The following GRM1 variants were observed in gnomAD, a reference collection of about 807,000 sequenced individuals.
GRM1 encodes metabotropic glutamate receptor 1.
In GRM1, 33 loss-of-function variants were observed where a neutral mutation model predicts 90.9. The observed-to-expected ratio is 0.36, with a 90% CI of 0.28 to 0.49. The LOEUF (loss-of-function observed/expected upper bound fraction) is 0.49. GRM1 is among the 20% of genes least tolerant of loss of function. The probability of loss-of-function intolerance (pLI) is 0.99; values close to 1 mark genes in which losing one functional copy is unlikely to be tolerated. For missense variants in GRM1, 1,190 were observed against 1,534.3 expected (o/e 0.78, Z 3.75); for synonymous variants, 700 against 613.2 (o/e 1.14, Z -2.09).
At chr6:146,202,082 C>A (rs1342934850) in intron 2 of GRM1, among the ~76,000 whole-genome samples, 1 of 152,104 alleles carries the variant, frequency 6.6e-6, no homozygotes, top group African/African-American at 2.4e-5. Flanking sequence ...AGAGTGCATC[C>A]CCCAATGAAC....
In GRM1 at chr6:146,029,298, C is replaced by G. The variant is rs1287990227; in HGVS notation, c.-220C>G. The G allele has an allele frequency of 1.7e-6, 1 of 591,778 alleles. No homozygotes were observed. Among genetic ancestry groups the G allele is most frequent in the Non-Finnish European group, 3.0e-6 (1 of 331,992 alleles). The allele number at this position is 591,778 out of a possible 1,614,324, so 36.7% of individuals were successfully genotyped here. ...ACGGGGACTCGAATTCCCTTACAAA[C>G]GCCTCCAGCTTGTAGAGGCGGTCGT... is the stretch of plus-strand genomic sequence containing the variant. On this transcript the variant is annotated 5_prime_UTR_variant, in exon 1 of 8. Coordinates refer to ENST00000282753, the MANE Select transcript of GRM1 (RefSeq NM_001278064.2).
At chr6:146,385,716 A>G (rs187951199) in intron 5 of GRM1, among the ~76,000 whole-genome samples, 2 of 152,182 alleles carry the variant, frequency 1.3e-5, no homozygotes, top group East Asian at 1.9e-4. Flanking sequence ...GACTGTTTAA[A>G]GCAAAAATAA....
intron 1 of GRM1, among the ~76,000 whole-genome samples, chr6:146,031,085 A>G (rs1272717675): frequency 1.3e-5 from 2 of 152,196 alleles, no homozygotes; most frequent in African/African-American, 4.8e-5. Context: ...CCTAAGGTTA[A>G]AAGCTTTGAT....
rs1430298950 is a variant in GRM1, at chr6:146,435,792, T to A, written c.*996T>A. ...ACCTTCAGTTAAAGAACAAACCATG[T>A]GACAAAATTGTTACCTTCCACTTAC... On this transcript the variant is annotated 3_prime_UTR_variant, in exon 8 of 8. Transcript: ENST00000282753. 2 of 152,618 alleles carry A rather than the reference T, an allele frequency of 1.3e-5. No homozygotes were observed. The highest frequency in any genetic ancestry group is 2.9e-5 in the Non-Finnish European group (2 of 68,032). The allele number at this position is 152,618 out of a possible 1,614,324, so 9.5% of individuals were successfully genotyped here.
chr6:146,254,836 A>G (rs971207675), intron 2 of GRM1, among the ~76,000 whole-genome samples: 10 of 152,016 alleles, frequency 6.6e-5, no homozygotes, highest in Admixed American at 2.0e-4. Flanking sequence ...TTCCCCCTTT[A>G]TTTTGCCTCC....
At chr6:146,391,860 G>A (rs73785353) in intron 6 of GRM1, among the ~76,000 whole-genome samples, 3,450 of 152,150 alleles carry the variant, frequency 0.023, 135 homozygotes, top group African/African-American at 0.079. Flanking sequence ...AAGAGATAAA[G>A]CAATCATAGT....
intron 3 of GRM1, among the ~76,000 whole-genome samples, chr6:146,340,965 G>A (rs944081090): frequency 1.3e-5 from 2 of 152,150 alleles, no homozygotes; most frequent in African/African-American, 4.8e-5. Flanking sequence ...AAATAGTAGG[G>A]TCCTCTGAAT....
At chr6:146,234,039 C>T (rs1301419381) in intron 2 of GRM1, among the ~76,000 whole-genome samples, 1 of 151,912 alleles carries the variant, frequency 6.6e-6, no homozygotes, top group South Asian at 2.1e-4. Context: ...ATCCCTTTAT[C>T]ATTATGTAAT....
intron 1 of GRM1, among the ~76,000 whole-genome samples, chr6:146,115,663 A>T (rs1366252981): frequency 1.3e-5 from 2 of 152,072 alleles, no homozygotes; most frequent in Admixed American, 1.3e-4. Flanking sequence ...TTTGGTGTTT[A>T]TTTCTAGGAG....
chr6:146,076,257 C>T (rs1471224398), intron 1 of GRM1, among the ~76,000 whole-genome samples: 1 of 152,074 alleles, frequency 6.6e-6, no homozygotes, highest in Non-Finnish European at 1.5e-5. Flanking sequence ...TTGTAGGCCA[C>T]TAGTGATCTT....
rs73577155 is a variant in GRM1 at position 146,282,221 on chromosome 6, A to C, written c.951-22390A>C. ...CCTGTATTTTCACTTCCCATTATCT[A>C]ATATTTAGCTGAAATATCATTCTAT... On this transcript the variant is annotated intron_variant, in intron 2 of 7. Coordinates refer to ENST00000282753, the MANE Select transcript of GRM1 (RefSeq NM_001278064.2). 2.4e-3 allele frequency among the ~76,000 whole-genome samples: 362 copies of C among 152,276 alleles called. 2 individuals carry two copies. Among genetic ancestry groups the C allele is most frequent in the African/African-American group, 8.2e-3 (342 of 41,556 alleles).
intron 1 of GRM1, among the ~76,000 whole-genome samples, chr6:146,045,174 T>A (rs1372942775): frequency 2.6e-5 from 4 of 151,992 alleles, no homozygotes; most frequent in Admixed American, 2.0e-4. Context: ...GATTCTCACA[T>A]AGGCAGAAAA....
chr6:146,223,786 C>T (rs1340211084), intron 2 of GRM1, among the ~76,000 whole-genome samples: 1 of 152,122 alleles, frequency 6.6e-6, no homozygotes, highest in African/African-American at 2.4e-5. Flanking sequence ...CATTTGCAGT[C>T]TTCATACACC....
At chr6:146,252,471 C>T (rs1316546555) in intron 2 of GRM1, among the ~76,000 whole-genome samples, 2 of 151,986 alleles carry the variant, frequency 1.3e-5, no homozygotes. Flanking sequence ...AACTCTATCT[C>T]TACTAAAAAT....
At chr6:146,217,452 C>A (rs1414995017) in intron 2 of GRM1, among the ~76,000 whole-genome samples, 1 of 152,168 alleles carries the variant, frequency 6.6e-6, no homozygotes, top group Non-Finnish European at 1.5e-5. Flanking sequence ...CAACAGAGGG[C>A]TGAATTAATA....
At chr6:146,033,839 C>T (rs1790791130) in intron 1 of GRM1, among the ~76,000 whole-genome samples, 1 of 151,798 alleles carries the variant, frequency 6.6e-6, no homozygotes, top group South Asian at 2.1e-4. Flanking sequence ...AAAAGTCCTC[C>T]TAAGTCATAA....
chr6:146,232,686 C>T (rs1386969145), intron 2 of GRM1, among the ~76,000 whole-genome samples: 3 of 152,120 alleles, frequency 2.0e-5, no homozygotes, highest in African/African-American at 7.2e-5. Context: ...CCCCAATACC[C>T]TTCCCTTACT....
intron 3 of GRM1, among the ~76,000 whole-genome samples, chr6:146,332,356 G>GC (rs1006164708): frequency 5.5e-4 from 84 of 152,276 alleles, no homozygotes; most frequent in African/African-American, 2.0e-3. Context: ...TTAAGTTGTT[G>GC]CATGAATTCT....
intron 1 of GRM1, among the ~76,000 whole-genome samples, chr6:146,060,308 C>T (rs1002630116): frequency 1.3e-5 from 2 of 151,766 alleles, no homozygotes; most frequent in South Asian, 2.1e-4. Flanking sequence ...AGGTAAATGG[C>T]ATGCTGTGGG....
Sources: gnomAD v4.1 joint callset for allele counts (sites outside exome capture counted in the v4.1 genomes callset) on GRCh38, gnomAD v4.1.1 for gene constraint, MANE v1.5 for transcripts, NCBI Gene and HGNC (gene_info 2026-07-23, HGNC 2026-07-21) for gene names.